The following FHOD3 variants were observed in gnomAD, a reference collection of about 807,000 sequenced individuals.
The protein encoded by FHOD3 is formin homology 2 domain containing 3, also known as FH1/FH2 domain-containing protein 3.
In FHOD3, 90 loss-of-function variants were observed where a neutral mutation model predicts 173.0. The observed-to-expected ratio is 0.52, with a 90% confidence interval of 0.44 to 0.62. FHOD3 has a LOEUF of 0.62. FHOD3 is among the 20% of genes least tolerant of loss of function. The pLI is 0.00. For missense variants in FHOD3, 1,945 were observed against 2,034.7 expected, an observed-to-expected ratio of 0.96 and a Z score of 0.85; for synonymous variants, 828 against 823.0, an observed-to-expected ratio of 1.01 and a Z score of -0.10.
chr18:36,761,954 G>C (rs2042899256), intron 27 of FHOD3, among the ~76,000 whole-genome samples: 1 of 152,084 alleles, frequency 6.6e-6, no homozygotes, highest in Non-Finnish European at 1.5e-5. Flanking sequence ...ACACATCACA[G>C]AAATGCAGTA....
chr18:36,758,621 G>A (rs546949141), intron 25 of FHOD3, among the ~76,000 whole-genome samples: 1 of 152,318 alleles, frequency 6.6e-6, no homozygotes, highest in East Asian at 1.9e-4. Flanking sequence ...TGGGCAGGGA[G>A]GGATCCTGCG....
At chr18:36,358,822 G>A (rs1436636106) in intron 2 of FHOD3, among the ~76,000 whole-genome samples, 2 of 151,828 alleles carry the variant, frequency 1.3e-5, no homozygotes, top group African/African-American at 2.4e-5. Context: ...TTGTAGAGAC[G>A]GGGTCTCCTT....
At chr18:36,417,244 A>G (rs1198842342) in intron 3 of FHOD3, among the ~76,000 whole-genome samples, 1 of 151,948 alleles carries the variant, frequency 6.6e-6, no homozygotes, top group East Asian at 1.9e-4. Context: ...GATAGGCCCC[A>G]GTGTCTATTG....
At chr18:36,468,996 T>C (rs2053119050) in intron 3 of FHOD3, among the ~76,000 whole-genome samples, 1 of 152,126 alleles carries the variant, frequency 6.6e-6, no homozygotes, top group Non-Finnish European at 1.5e-5. Flanking sequence ...AGCAAACACT[T>C]GTGTCAGTTT....
At chr18:36,605,568 T>C (rs978518457) in intron 8 of FHOD3, among the ~76,000 whole-genome samples, 5 of 152,340 alleles carry the variant, frequency 3.3e-5, no homozygotes, top group Non-Finnish European at 5.9e-5. Flanking sequence ...TGTTCCGTTA[T>C]TGGAACGCTA....
intron 3 of FHOD3, among the ~76,000 whole-genome samples, chr18:36,413,894 A>G (rs1231725693): frequency 6.6e-6 from 1 of 152,146 alleles, no homozygotes; most frequent in Admixed American, 6.5e-5. Flanking sequence ...TGTAACTATT[A>G]AGCATTAACT....
At chr18:36,381,850 G>A (rs1388212147) in intron 3 of FHOD3, among the ~76,000 whole-genome samples, 1 of 152,226 alleles carries the variant, frequency 6.6e-6, no homozygotes, top group Non-Finnish European at 1.5e-5. Flanking sequence ...TGTGCTAACA[G>A]ATGACGCCAT....
At chr18:36,643,129 T>G (rs1222439237) in intron 10 of FHOD3, among the ~76,000 whole-genome samples, 1 of 152,110 alleles carries the variant, frequency 6.6e-6, no homozygotes, top group African/African-American at 2.4e-5. Context: ...CTTTATCTAT[T>G]TTTTCCCTTC....
intron 4 of FHOD3, among the ~76,000 whole-genome samples, chr18:36,510,979 T>C (rs929397947): frequency 6.6e-6 from 1 of 152,142 alleles, no homozygotes; most frequent in Non-Finnish European, 1.5e-5. Context: ...ATCCATATAA[T>C]TGAAAAATGC....
chr18:36,336,905 C>T (rs1464635802), intron 1 of FHOD3, among the ~76,000 whole-genome samples: 1 of 144,224 alleles, frequency 6.9e-6, no homozygotes, highest in Non-Finnish European at 1.5e-5. Flanking sequence ...AGCACGGTGG[C>T]TCACACCTGT....
intron 5 of FHOD3, among the ~76,000 whole-genome samples, chr18:36,546,107 CT>C (rs1159109716): frequency 6.6e-6 from 1 of 152,158 alleles, no homozygotes; most frequent in Non-Finnish European, 1.5e-5. Flanking sequence ...AAGGGAACCC[CT>C]TTTTCATAGG....
At chr18:36,312,668 G>A (rs2144723452) in intron 1 of FHOD3, among the ~76,000 whole-genome samples, 1 of 152,306 alleles carries the variant, frequency 6.6e-6, no homozygotes, top group East Asian at 1.9e-4. Flanking sequence ...TCTGGTCCAT[G>A]TGTCATCCAT....
At chr18:36,430,848 A>C (rs1479487187) in intron 3 of FHOD3, among the ~76,000 whole-genome samples, 2 of 152,176 alleles carry the variant, frequency 1.3e-5, no homozygotes, top group Non-Finnish European at 2.9e-5. Flanking sequence ...GTTTAAAAAC[A>C]ATCTGTTGTT....
Position 36,612,067 on chromosome 18 carries a change from A to G in FHOD3, c.929A>G (p.Asp310Gly). ...RHLNKKGTDL[D>G]LVEQLNIYEV... ...TTGAACAAGAAAGGGACTGACCTGG[A>G]CTTAGTGGAGCAACTCAACATTTAT... Residue 310 changes from aspartate (D) to glycine (G), a missense_variant, in exon 9 of 29, where the codon GAC becomes GGC. Around this residue, in one of 5 missense-constraint regions of FHOD3, gnomAD observed 1,099 missense variants for 1,051.2 expected, o/e 1.05. Transcript: ENST00000590592. 6.2e-7 allele frequency: 1 copy of G among 1,614,116 alleles called. No individual in the cohort carries two copies. Among genetic ancestry groups the G allele is most frequent in the South Asian group, 1.1e-5 (1 of 91,052 alleles).
At chr18:36,577,410 C>T (rs1033859136) in intron 6 of FHOD3, among the ~76,000 whole-genome samples, 2 of 152,142 alleles carry the variant, frequency 1.3e-5, no homozygotes, top group African/African-American at 4.8e-5. Flanking sequence ...TCGAGCAAAT[C>T]CCATGCCTGT....
At chr18:36,349,289 G>T (rs2046008947) in intron 1 of FHOD3, among the ~76,000 whole-genome samples, 1 of 152,190 alleles carries the variant, frequency 6.6e-6, no homozygotes, top group Non-Finnish European at 1.5e-5. Flanking sequence ...CCCAGTCTCT[G>T]CCAGGTCACA....
intron 8 of FHOD3, among the ~76,000 whole-genome samples, chr18:36,605,952 C>T (rs1288693476): frequency 6.6e-6 from 1 of 152,138 alleles, no homozygotes; most frequent in African/African-American, 2.4e-5. Context: ...AAGTCCTATC[C>T]TGGTAACTGT....
At chr18:36,728,577 AGTT>A (rs754111975) in intron 19 of FHOD3, among the ~76,000 whole-genome samples, 4 of 150,818 alleles carry the variant, frequency 2.7e-5, no homozygotes, top group Non-Finnish European at 3.0e-5. Flanking sequence ...GGATGTTTTC[AGTT>A]GTTGTTGTTG....
intron 6 of FHOD3, among the ~76,000 whole-genome samples, chr18:36,587,782 A>G (rs141249252): frequency 1.3e-5 from 2 of 152,292 alleles, no homozygotes; most frequent in African/African-American, 4.8e-5. Flanking sequence ...GGAAAAAAAA[A>G]TAGAAGAAGA....
Sources: gnomAD v4.1 joint callset for allele counts (sites outside exome capture counted in the v4.1 genomes callset) on GRCh38, gnomAD v4.1.1 for gene constraint, gnomAD v4.1.1 regional missense constraint, MANE v1.5 for transcripts, NCBI Gene and HGNC (gene_info 2026-07-23, HGNC 2026-07-21) for gene names.